Variants in CTNNA3 observed in about 807,000 individuals in gnomAD.
The protein encoded by CTNNA3 is catenin alpha 3.
Under a neutral mutation model 95.7 loss-of-function variants are expected in CTNNA3, and 76 were observed. That is an observed-to-expected ratio of 0.79 (90% confidence interval 0.66 to 0.96). The LOEUF (loss-of-function observed/expected upper bound fraction) is 0.96, where lower values mean the gene tolerates loss of function less well. Ranked by LOEUF, CTNNA3 falls within the 40% of genes least tolerant of loss-of-function variation. The probability of loss-of-function intolerance (pLI) is 0.00; values close to 1 mark genes in which losing one functional copy is unlikely to be tolerated. For missense variants in CTNNA3, 1,191 were observed against 1,089.8 expected (o/e 1.09, Z -1.31); for synonymous variants, 431 against 374.4 (o/e 1.15, Z -1.74).
intron 8 of CTNNA3, among the ~76,000 whole-genome samples, chr10:66,770,935 C>A (rs1840063732): frequency 6.6e-6 from 1 of 151,806 alleles, no homozygotes; most frequent in African/African-American, 2.4e-5. Context: ...ATTTTTAAAG[C>A]TTGGAATTAA....
At chr10:66,607,853 G>A (rs1267314193) in intron 10 of CTNNA3, among the ~76,000 whole-genome samples, 1 of 152,094 alleles carries the variant, frequency 6.6e-6, no homozygotes, top group African/African-American at 2.4e-5. Flanking sequence ...AACTGAATGG[G>A]CAAAAGCTGG....
chr10:66,197,445 T>C (rs1330192057), intron 13 of CTNNA3, among the ~76,000 whole-genome samples: 1 of 152,136 alleles, frequency 6.6e-6, no homozygotes, highest in Non-Finnish European at 1.5e-5. Flanking sequence ...GCTACTTTGA[T>C]CTCATAAACC....
At chr10:67,031,382 A>T (rs2133110757) in intron 7 of CTNNA3, among the ~76,000 whole-genome samples, 1 of 152,326 alleles carries the variant, frequency 6.6e-6, no homozygotes, top group East Asian at 1.9e-4. Flanking sequence ...TAAGAATATC[A>T]TTCTTCGTCT....
At chr10:66,858,262 A>G (rs1306193700) in intron 7 of CTNNA3, among the ~76,000 whole-genome samples, 1 of 152,022 alleles carries the variant, frequency 6.6e-6, no homozygotes, top group African/African-American at 2.4e-5. Flanking sequence ...CTGCTTGATC[A>G]TGGTCGAATA....
intron 1 of CTNNA3, among the ~76,000 whole-genome samples, chr10:67,738,853 T>A (rs1384886484): frequency 1.3e-5 from 2 of 151,870 alleles, no homozygotes; most frequent in African/African-American, 2.4e-5. Context: ...TGATGGAAGA[T>A]GAAATGAATG....
At chr10:67,445,049 C>T (rs1360088077) in intron 5 of CTNNA3, among the ~76,000 whole-genome samples, 1 of 151,806 alleles carries the variant, frequency 6.6e-6, no homozygotes, top group Non-Finnish European at 1.5e-5. Flanking sequence ...TCTGCTCAAA[C>T]TACTCTGAAA....
intron 5 of CTNNA3, among the ~76,000 whole-genome samples, chr10:67,485,476 C>T (rs1293189989): frequency 2.6e-5 from 4 of 152,084 alleles, no homozygotes; most frequent in Admixed American, 6.6e-5. Context: ...TACAAACCTG[C>T]ACATGTACCC....
intron 5 of CTNNA3, among the ~76,000 whole-genome samples, chr10:67,271,446 T>C (rs1589112508): frequency 6.6e-6 from 1 of 152,168 alleles, no homozygotes; most frequent in African/African-American, 2.4e-5. Flanking sequence ...TCTGCCATGA[T>C]TGTAAGTTTC....
At chr10:66,932,954 C>G (rs1465885794) in intron 7 of CTNNA3, among the ~76,000 whole-genome samples, 2 of 152,178 alleles carry the variant, frequency 1.3e-5, no homozygotes, top group Non-Finnish European at 2.9e-5. Flanking sequence ...CTAATCAAGT[C>G]ATCACAGGTA....
intron 1 of CTNNA3, among the ~76,000 whole-genome samples, chr10:67,656,904 G>C (rs1840040395): frequency 6.6e-6 from 1 of 152,138 alleles, no homozygotes; most frequent in African/African-American, 2.4e-5. Flanking sequence ...AGATGTTTGA[G>C]CACTAAAACA....
intron 7 of CTNNA3, among the ~76,000 whole-genome samples, chr10:66,885,564 A>G (rs191813979): frequency 6.6e-6 from 1 of 152,246 alleles, no homozygotes; most frequent in African/African-American, 2.4e-5. Context: ...TTAGAGAAAC[A>G]CTGGGAAGAT....
intron 11 of CTNNA3, among the ~76,000 whole-genome samples, chr10:66,504,698 G>A (rs1249265105): frequency 6.6e-6 from 1 of 152,030 alleles, no homozygotes. Flanking sequence ...AATTTATACT[G>A]ATTATAGGTG....
In CTNNA3 at chr10:66,416,539, AT is replaced by A. The variant is rs35923793; in HGVS notation, c.1532-37188del. Among the ~76,000 whole-genome samples the A allele has an allele frequency of 8.1e-3, 1,075 of 132,418 alleles. 7 individuals carry two copies. Among genetic ancestry groups the A allele is most frequent in the East Asian group, 0.021 (98 of 4,670 alleles). The allele number at this position is 132,418 out of a possible 152,430, so 86.9% of individuals were successfully genotyped here. On this transcript the variant is annotated intron_variant, in intron 11 of 17. Transcript: ENST00000433211. ...TTCTAAAATCCATGAAAAATAGAGA[AT>A]TTTTTTTTTTAAAAAAAAGCAAGAG...
intron 7 of CTNNA3, among the ~76,000 whole-genome samples, chr10:67,141,418 G>A (rs1010556687): frequency 2.6e-5 from 4 of 152,046 alleles, no homozygotes; most frequent in African/African-American, 7.2e-5. Flanking sequence ...TAAACCCGAC[G>A]TCATTCTCCT....
At chr10:66,285,307 A>T (rs2091565941) in intron 12 of CTNNA3, among the ~76,000 whole-genome samples, 1 of 151,940 alleles carries the variant, frequency 6.6e-6, no homozygotes, top group African/African-American at 2.4e-5. Flanking sequence ...GGTTTTCTAC[A>T]TATGAAACGC....
intron 16 of CTNNA3, among the ~76,000 whole-genome samples, chr10:65,982,657 T>A (rs7916303): frequency 0.86 from 129,303 of 150,576 alleles, 55,763 homozygotes; most frequent in African/African-American, 0.91. Context: ...TATATATATA[T>A]AAATGTGGTA....
At chr10:65,980,628 TA>T (rs1053301035) in intron 16 of CTNNA3, among the ~76,000 whole-genome samples, 3 of 150,034 alleles carry the variant, frequency 2.0e-5, no homozygotes, top group South Asian at 2.1e-4. Flanking sequence ...ACAGCATATG[TA>T]AAAAAAAATA....
At chr10:67,515,238 T>C (rs1057037937) in intron 5 of CTNNA3, among the ~76,000 whole-genome samples, 1 of 152,226 alleles carries the variant, frequency 6.6e-6, no homozygotes, top group African/African-American at 2.4e-5. Context: ...TAAAGATCTG[T>C]AGTTTATGAA....
intron 14 of CTNNA3, among the ~76,000 whole-genome samples, chr10:66,089,232 G>A (rs1321284436): frequency 6.6e-6 from 1 of 151,420 alleles, no homozygotes; most frequent in Non-Finnish European, 1.5e-5. Flanking sequence ...TTATGTTGCT[G>A]GAACTCAGGA....
Sources: gnomAD v4.1 joint callset for allele counts (sites outside exome capture counted in the v4.1 genomes callset) on GRCh38, gnomAD v4.1.1 for gene constraint, MANE v1.5 for transcripts, NCBI Gene and HGNC (gene_info 2026-07-23, HGNC 2026-07-21) for gene names.